NUP160: variants seen among roughly 807,000 people sequenced by gnomAD.
NUP160 encodes nuclear pore complex protein Nup160.
NUP160 carries 94 observed loss-of-function variants against 196.9 expected under a neutral mutation model. The observed-to-expected ratio is 0.48, with a 90% CI of 0.40 to 0.57. The LOEUF (loss-of-function observed/expected upper bound fraction) is 0.57, where lower values mean the gene tolerates loss of function less well. Ranked by LOEUF, NUP160 falls within the 20% of genes least tolerant of loss-of-function variation. The pLI is 0.00. For missense variants in NUP160, 1,638 were observed against 1,748.3 expected, an observed-to-expected ratio of 0.94 and a Z score of 1.13; for synonymous variants, 605 against 619.7, an observed-to-expected ratio of 0.98 and a Z score of 0.35.
At chr11:47,848,497 C>T (rs1392362463), upstream of NUP160, 1 of 1,209,376 alleles carries the variant, frequency 8.3e-7, no homozygotes, top group African/African-American at 1.5e-5. Flanking sequence ...AGCGAGGAAT[C>T]CAGAAGAGAA....
intron 29 of NUP160, among the ~76,000 whole-genome samples, chr11:47,790,323 G>A (rs908507057): frequency 6.6e-6 from 1 of 151,912 alleles, no homozygotes; most frequent in African/African-American, 2.4e-5. Flanking sequence ...GCAGTGGCGC[G>A]ATCTCAGCCC....
intron 17 of NUP160, among the ~76,000 whole-genome samples, chr11:47,809,761 T>C (rs1383580059): frequency 2.1e-5 from 2 of 94,524 alleles, no homozygotes; most frequent in South Asian, 3.4e-4. Context: ...AAAAAAAAGA[T>C]GTGCGGAAAA....
chr11:47,788,869 C>CTAAA (rs2097666289), intron 29 of NUP160, among the ~76,000 whole-genome samples: 2 of 151,484 alleles, frequency 1.3e-5, no homozygotes, highest in African/African-American at 4.9e-5. Flanking sequence ...TCATTTAACT[C>CTAAA]TTTAAACTTT....
intron 4 of NUP160, chr11:47,839,503 C>T (rs1424862728): frequency 3.9e-6 from 1 of 256,778 alleles, no homozygotes; most frequent in Admixed American, 4.9e-5. Context: ...ACAGTGGCAA[C>T]TTGGTGCAGG....
intron 28 of NUP160, 83 bp downstream of exon 28, chr11:47,792,703 C>T (rs1014774818): frequency 8.0e-7 from 1 of 1,247,228 alleles, no homozygotes; most frequent in African/African-American, 1.5e-5. Context: ...CAAAATGACA[C>T]AATAGTTTTG....
chr11:47,821,912 T>C (rs1198455075), intron 8 of NUP160, 91 bp from the exon 9 acceptor site: 2 of 1,112,926 alleles, frequency 1.8e-6, no homozygotes, highest in African/African-American at 1.5e-5. Context: ...GAGAGGTAAA[T>C]GTATGAAAAC....
intron 29 of NUP160, among the ~76,000 whole-genome samples, chr11:47,788,940 G>C (rs887189655): frequency 6.6e-6 from 1 of 151,144 alleles, no homozygotes; most frequent in Non-Finnish European, 1.5e-5. Flanking sequence ...GCAGTGGCAT[G>C]ATCTCGGCTC....
intron 17 of NUP160, among the ~76,000 whole-genome samples, chr11:47,809,250 T>C (rs1348616302): frequency 9.0e-6 from 1 of 111,286 alleles, no homozygotes; most frequent in African/African-American, 3.3e-5. Flanking sequence ...AAGTGAGAAC[T>C]TGTCTCAAAA....
chr11:47,808,256 G>A, intron 18 of NUP160, 140 bp downstream of exon 18: 4 of 708,928 alleles, frequency 5.6e-6, no homozygotes, highest in Non-Finnish European at 9.1e-6. Flanking sequence ...ACTCCGGCCT[G>A]GGTGAGAGAG....
At position 47,806,475 on chromosome 11, in the gene NUP160, C is replaced by T. The variant is rs141033376; in HGVS notation, c.2447-163G>A. ...CAGTGGCAATATAAATAAAAGTAGT[C>T]TGTAAATTGTGAGGCACTATAAAAA... On this transcript the variant is annotated intron_variant, in intron 19 of 35. Transcript: ENST00000378460. 3.3e-4 allele frequency: 183 copies of T among 553,450 alleles called. 1 individual carries two copies. The highest frequency in any genetic ancestry group is 5.4e-4 in the Non-Finnish European group (172 of 317,024). 34.3% of individuals were successfully genotyped at this position (553,450 alleles called of 1,614,324 possible).
intron 22 of NUP160, among the ~76,000 whole-genome samples, chr11:47,802,848 G>A (rs187576165): frequency 1.3e-5 from 2 of 151,828 alleles, no homozygotes; most frequent in Admixed American, 6.6e-5. Flanking sequence ...GGTGGCTCAC[G>A]CCTGTAGCCT....
At chr11:47,839,194 C>T (rs79145982) in intron 4 of NUP160, among the ~76,000 whole-genome samples, 29,575 of 151,866 alleles carry the variant, frequency 0.19, 3,257 homozygotes, top group East Asian at 0.31. Flanking sequence ...TGGGTTCAAG[C>T]GATTCTCTTG....
intron 19 of NUP160, among the ~76,000 whole-genome samples, chr11:47,806,788 TATACACACACACACACACACAC>T (rs2097677916): frequency 1.1e-4 from 12 of 106,498 alleles, no homozygotes; most frequent in East Asian, 3.2e-4. Context: ...GGAAAGCAGC[TATACACACACACACACACACAC>T]ACACACACAC....
intron 7 of NUP160, among the ~76,000 whole-genome samples, chr11:47,832,336 A>T (rs1396293518): frequency 6.6e-6 from 1 of 152,202 alleles, no homozygotes; most frequent in Admixed American, 6.5e-5. Context: ...CCTTGGTAAA[A>T]CTAATGAAAG....
chr11:47,783,820 A>C (rs1325380906), intron 33 of NUP160, among the ~76,000 whole-genome samples: 2 of 151,932 alleles, frequency 1.3e-5, no homozygotes, highest in African/African-American at 4.8e-5. Context: ...CTGCCTCCAG[A>C]GTAGCTGAGA....
At chr11:47,832,826 C>T (rs1852103619) in intron 7 of NUP160, among the ~76,000 whole-genome samples, 1 of 152,172 alleles carries the variant, frequency 6.6e-6, no homozygotes, top group Non-Finnish European at 1.5e-5. Context: ...GAATGAAGTG[C>T]TGACAACACA....
At chr11:47,846,301 G>A (rs547648117) in intron 2 of NUP160, among the ~76,000 whole-genome samples, 1 of 152,124 alleles carries the variant, frequency 6.6e-6, no homozygotes, top group East Asian at 1.9e-4. Flanking sequence ...AATGAAATTT[G>A]TATCTCTAAC....
chr11:47,845,360 G>A (rs1565212571), intron 2 of NUP160, among the ~76,000 whole-genome samples: 1 of 152,092 alleles, frequency 6.6e-6, no homozygotes, highest in Non-Finnish European at 1.5e-5. Context: ...GGCTGGTCTC[G>A]AACTCCTGAC....
intron 23 of NUP160, among the ~76,000 whole-genome samples, chr11:47,798,714 T>C (rs752372323): frequency 6.6e-6 from 1 of 152,010 alleles, no homozygotes; most frequent in African/African-American, 2.4e-5. Flanking sequence ...CCTGTAGTTG[T>C]AGCGACTTGG....
Sources: allele counts gnomAD v4.1 joint callset (sites outside exome capture counted in the v4.1 genomes callset), GRCh38; gene constraint gnomAD v4.1.1; transcripts MANE v1.5; gene names NCBI Gene and HGNC (gene_info 2026-07-23, HGNC 2026-07-21).